The following ZWINT variants were observed in gnomAD, a reference collection of about 807,000 sequenced individuals.
ZWINT encodes the protein outer kinetochore KNL1 complex subunit ZWINT.
Under a neutral mutation model 41.5 loss-of-function variants are expected in ZWINT, and 41 were observed. The ratio of observed to expected loss-of-function variants is 0.99; its 90% confidence interval spans 0.77 to 1.28. ZWINT has a LOEUF of 1.28. ZWINT is among the 50% of genes most tolerant of loss of function. The pLI, the probability that ZWINT is intolerant of heterozygous loss-of-function variation, is 0.00. For synonymous variants in ZWINT, 132 were observed against 126.8 expected, an observed-to-expected ratio of 1.04 and a Z score of -0.28; for missense variants, 369 against 329.7, an observed-to-expected ratio of 1.12 and a Z score of -0.92.
At position 56,357,905 on chromosome 10, in the gene ZWINT, G is replaced by A. The variant is rs879404740; in HGVS notation, c.*322C>T. On this transcript the variant is annotated 3_prime_UTR_variant, in exon 9 of 9. Coordinates refer to ENST00000373944, the MANE Select transcript of ZWINT (RefSeq NM_007057.4). ...CTCCTCCTTGAATTAAATTCACCAT[G>A]TCTGCATCATAGGAGGCCCAAGGCC... is the stretch of plus-strand genomic sequence containing the variant. 2.7e-5 allele frequency: 10 copies of A among 368,684 alleles called. No individual in the cohort carries two copies. The highest frequency in any genetic ancestry group is 2.1e-4 in the African/African-American group (10 of 47,006). 22.8% of individuals were successfully genotyped at this position (368,684 alleles called of 1,614,324 possible).
In ZWINT at chr10:56,357,878, T is replaced by A; in HGVS notation, c.*349A>T. The A allele has an allele frequency of 2.8e-6, 1 of 356,656 alleles. No homozygotes were observed. Among genetic ancestry groups the A allele is most frequent in the Non-Finnish European group, 5.5e-6 (1 of 180,898 alleles). The allele number at this position is 356,656 out of a possible 1,614,324, so 22.1% of individuals were successfully genotyped here. On this transcript the variant is annotated 3_prime_UTR_variant, in exon 9 of 9. Transcript: ENST00000373944. ...ATATAACCACCTGCCTAAAACATTC[T>A]CCTCCTCCTTGAATTAAATTCACCA...
Position 56,358,183 on chromosome 10 carries a change from G to C in ZWINT, c.*44C>G, listed in dbSNP as rs1342197226. Reference sequence around the variant, plus strand: ...TGGTTGGGAGGTGAGGGAAGTCAGAGGCCTGGGGAAGAAGACAGGGGTTAG... The same window carrying C: ...TGGTTGGGAGGTGAGGGAAGTCAGACGCCTGGGGAAGAAGACAGGGGTTAG... On this transcript the variant is annotated splice_region_variant and 3_prime_UTR_variant, in exon 9 of 9. Transcript: ENST00000373944. The C allele has an allele frequency of 1.3e-6, 1 of 753,086 alleles. No homozygotes were observed. Among genetic ancestry groups the C allele is most frequent in the Non-Finnish European group, 2.5e-6 (1 of 402,052 alleles). The allele number at this position is 753,086 out of a possible 1,614,324, so 46.7% of individuals were successfully genotyped here.
At position 56,359,755 on chromosome 10, in the gene ZWINT, T is replaced by A; in HGVS notation, c.355A>T (p.Thr119Ser). Reference protein sequence around the residue: ...AIKIGLTKALTQMEEAQRKRT... With the variant: ...AIKIGLTKALSQMEEAQRKRT... ...TTCCTCTGGGCTTCCTCCATCTGAG[T>A]CAGGGCCTTGGTGAGGCCAATTTTG... The change falls in exon 4 of 9, where the codon ACT becomes TCT. Residue 119 changes from threonine to serine, a missense_variant. Physicochemically the swap from Thr to Ser is moderately conservative, Grantham distance 58. Coordinates refer to ENST00000373944, the MANE Select transcript of ZWINT (RefSeq NM_007057.4). The A allele has an allele frequency of 6.2e-7, 1 of 1,614,106 alleles. No homozygotes were observed. The highest frequency in any genetic ancestry group is 8.5e-7 in the Non-Finnish European group (1 of 1,180,014).
In ZWINT at chr10:56,360,315, T is replaced by C. The variant is rs757537178; in HGVS notation, c.110A>G (p.Lys37Arg). 15 of 1,614,192 alleles carry C rather than the reference T, an allele frequency of 9.3e-6. No homozygotes were observed. In the South Asian group the frequency reaches 1.3e-4, roughly 14 times the overall value. ...TACCACCACAAACTCAACCAGGATC[T>C]TGGCTGGCAGTTCTGCCTCCTCCTG... ...GLQEEAELPA[K>R]ILVEFVVDSQ... Residue 37 changes from lysine to arginine, a missense_variant, in exon 2 of 9, where the codon AAG becomes AGG. Coordinates refer to ENST00000373944, the MANE Select transcript of ZWINT (RefSeq NM_007057.4).
chr10:56,358,915 A>C lies in ZWINT; in HGVS notation c.513T>G (p.Ser171=). Residue 171 remains serine, a synonymous_variant, in exon 6 of 9, where the codon TCT becomes TCG. Transcript: ENST00000373944. ...EKHLQHLAEV[S]AEVRERKTGT... ...CTGTCTTACGCTCCCTCACCTCTGC[A>C]GAAACCTCCGCCAGATGCTGCAGAT... 1 of 1,614,150 alleles carries C rather than the reference A, an allele frequency of 6.2e-7. No individual in the cohort carries two copies. The highest frequency in any genetic ancestry group is 8.5e-7 in the Non-Finnish European group (1 of 1,180,024).
Position 56,360,367 on chromosome 10 carries a change from C to T in ZWINT, c.58G>A (p.Ala20Thr). ...AGGCCTACAGGTTCCAAGATGCCTGCCACCTCAGCCAGGACCCTGGAGGGG... is the reference window on the plus strand; with the variant it reads ...AGGCCTACAGGTTCCAAGATGCCTGTCACCTCAGCCAGGACCCTGGAGGGG... Reference protein sequence around the residue: ...AAALEVLAEVAGILEPVGLQE... With the variant: ...AAALEVLAEVTGILEPVGLQE... The change falls in exon 2 of 9, where the codon GCA becomes ACA. Residue 20 changes from alanine (A) to threonine (T), a missense_variant. Physicochemically the swap from Ala to Thr is moderately conservative, Grantham distance 58. Coordinates refer to ENST00000373944, the MANE Select transcript of ZWINT (RefSeq NM_007057.4). 3 of 1,614,146 alleles carry T rather than the reference C, an allele frequency of 1.9e-6. No individual in the cohort carries two copies. Among genetic ancestry groups the T allele is most frequent in the Non-Finnish European group, 2.5e-6 (3 of 1,180,022 alleles).
At position 56,358,648 on chromosome 10, in the gene ZWINT, T is replaced by C; in HGVS notation, c.700A>G (p.Asn234Asp). ...LFPEAEAEAE[N>D]LPDDKPQQPT... Reference sequence around the variant, plus strand: ...TGCTGGGGTTTATCATCTGGAAGATTCTCTGCCTCAGCCTCAGCCTCAGGG... The same window carrying C: ...TGCTGGGGTTTATCATCTGGAAGATCCTCTGCCTCAGCCTCAGCCTCAGGG... The change falls in exon 7 of 9, where the codon AAT (asparagine) becomes GAT (aspartate). Residue 234 changes from asparagine (N) to aspartate (D), a missense_variant. By Grantham distance (23) the Asn-to-Asp change is conservative (BLOSUM62 1). Transcript: ENST00000373944. 1 of 1,613,168 alleles carries C rather than the reference T, an allele frequency of 6.2e-7. No homozygotes were observed. Among genetic ancestry groups the C allele is most frequent in the Non-Finnish European group, 8.5e-7 (1 of 1,180,018 alleles).
chr10:56,360,251 A>T (rs768522400), intron 2 of ZWINT, 42 bp downstream of exon 2: 1 of 1,609,904 alleles, frequency 6.2e-7, no homozygotes, highest in Non-Finnish European at 8.5e-7. Flanking sequence ...AGCCAGGACC[A>T]GACCCTGGCT....
chr10:56,360,013 C>A lies in ZWINT; in HGVS notation c.256+5G>T. Reference sequence around the variant, plus strand: ...AGCTGCTACTACAATCCCCTGCCTACTCACGGCTCGTGTCTTCAGAAGCCA... The same window carrying A: ...AGCTGCTACTACAATCCCCTGCCTAATCACGGCTCGTGTCTTCAGAAGCCA... On this transcript the variant is annotated splice_donor_5th_base_variant and intron_variant, in intron 3 of 8. Transcript: ENST00000373944. 2 of 1,613,922 alleles carry A rather than the reference C, an allele frequency of 1.2e-6. No homozygotes were observed. Among genetic ancestry groups the A allele is most frequent in the South Asian group, 2.2e-5 (2 of 91,076 alleles).
chr10:56,358,914 C>T lies in ZWINT; in HGVS notation c.514G>A (p.Ala172Thr), dbSNP rs1838245940. The change falls in exon 6 of 9, where the codon GCA becomes ACA. Residue 172 changes from alanine (A) to threonine (T), a missense_variant. Ala to Thr is a moderately conservative substitution (Grantham distance 58). Transcript: ENST00000373944. ...CCTGTCTTACGCTCCCTCACCTCTG[C>T]AGAAACCTCCGCCAGATGCTGCAGA... The part of the protein sequence containing the change: ...KHLQHLAEVS[A>T]EVRERKTGTQ... 3 of 1,614,040 alleles carry T rather than the reference C, an allele frequency of 1.9e-6. No individual in the cohort carries two copies. The highest frequency in any genetic ancestry group is 2.5e-6 in the Non-Finnish European group (3 of 1,180,028).
In ZWINT at chr10:56,361,197, C is replaced by T; in HGVS notation, c.40G>A (p.Glu14Lys). The change falls in exon 1 of 9, where the codon GAG becomes AAG. Residue 14 changes from glutamate (E) to lysine (K), a missense_variant and splice_region_variant. Physicochemically the swap from Glu to Lys is moderately conservative, Grantham distance 56. Transcript: ENST00000373944. The part of the protein sequence containing the change: ...AETEAEAAAL[E>K]VLAEVAGILE... ...TGCCACTTAGCCGCAAACACTTACT[C>T]TAGGGCTGCAGCTTCCGCCTCTGTC... The T allele has an allele frequency of 6.2e-7, 1 of 1,613,402 alleles. No individual in the cohort carries two copies. Among genetic ancestry groups the T allele is most frequent in the Non-Finnish European group, 8.5e-7 (1 of 1,179,992 alleles).
Position 56,358,137 on chromosome 10 carries a change from TCA to T in ZWINT, c.*88_*89del, listed in dbSNP as rs760872611. 10 of 701,708 alleles carry T rather than the reference TCA, an allele frequency of 1.4e-5. No individual in the cohort carries two copies. The highest frequency in any genetic ancestry group is 2.2e-5 in the Non-Finnish European group (8 of 368,480). The allele number at this position is 701,708 out of a possible 1,614,324, so 43.5% of individuals were successfully genotyped here. A position where few individuals can be genotyped will look rare whatever the true frequency, so the allele number is the denominator to read the frequency against. On this transcript the variant is annotated 3_prime_UTR_variant, in exon 9 of 9. Transcript: ENST00000373944. ...CAGAAATCAAGCTGAACTCAGGAGT[TCA>T]CAGTCTTTCCTGTAATGATGGTTGG... is the stretch of plus-strand genomic sequence containing the variant.
rs1423675332 is a variant in ZWINT, at chr10:56,358,574, G to T, written c.774C>A (p.Asp258Glu). Residue 258 changes from aspartate to glutamate, a missense_variant, in exon 7 of 9, where the codon GAC becomes GAA. By Grantham distance (45) the Asp-to-Glu change is conservative (BLOSUM62 2). Coordinates refer to ENST00000373944, the MANE Select transcript of ZWINT (RefSeq NM_007057.4). ...EQSTGDTMGR[D>E]PGVSFKAVGL... ...CATTTACCTTGAAGGACACACCAGG[G>T]TCTCTCCCCATGGTGTCTCCTGTAC... The T allele has an allele frequency of 5.0e-6, 8 of 1,614,078 alleles. No homozygotes were observed. In the South Asian group the frequency reaches 8.8e-5, roughly 18 times the overall value.
Position 56,361,203 on chromosome 10 carries a change from C to A in ZWINT, c.34G>T (p.Ala12Ser). ...TTAGCCGCAAACACTTACTCTAGGG[C>A]TGCAGCTTCCGCCTCTGTCTCCGCT... ...EAAETEAEAAALEVLAEVAGI... is the reference protein window; with the variant it reads ...EAAETEAEAASLEVLAEVAGI... The change falls in exon 1 of 9, where the codon GCC becomes TCC. Residue 12 changes from alanine to serine, a missense_variant. Coordinates refer to ENST00000373944, the MANE Select transcript of ZWINT (RefSeq NM_007057.4). The A allele has an allele frequency of 6.2e-7, 1 of 1,613,266 alleles. No homozygotes were observed. The highest frequency in any genetic ancestry group is 1.1e-5 in the South Asian group (1 of 91,044).
Position 56,358,959 on chromosome 10 carries a change from G to A in ZWINT, c.481-12C>T, listed in dbSNP as rs766494047. ...TGCAGATGCTTCTCCTGCCAGGAGT[G>A]AGCATGCAGACATTATGCATCAGAT... On this transcript the variant is annotated splice_polypyrimidine_tract_variant and intron_variant, in intron 5 of 8. Transcript: ENST00000373944. 4 of 1,613,568 alleles carry A rather than the reference G, an allele frequency of 2.5e-6. No homozygotes were observed. Among genetic ancestry groups the A allele is most frequent in the Non-Finnish European group, 3.4e-6 (4 of 1,179,818 alleles).
Position 56,360,038 on chromosome 10 carries a change from A to C in ZWINT, c.236T>G (p.Leu79Trp). ...QEDTAKGLDP[L>W]ASEDTSRQKA... is the part of the protein sequence containing the mutation. ...CTCACGGCTCGTGTCTTCAGAAGCC[A>C]AGGGGTCGAGACCCTTAGCAGTGTC... Residue 79 changes from leucine to tryptophan, a missense_variant, in exon 3 of 9, where the codon TTG becomes TGG. Coordinates refer to ENST00000373944, the MANE Select transcript of ZWINT (RefSeq NM_007057.4). 6.2e-7 allele frequency: 1 copy of C among 1,614,102 alleles called. No homozygotes were observed. The highest frequency in any genetic ancestry group is 8.5e-7 in the Non-Finnish European group (1 of 1,180,020).
chr10:56,360,471 G>A, intron 1 of ZWINT, 88 bp from the exon 2 acceptor site: 1 of 1,034,500 alleles, frequency 9.7e-7, no homozygotes. Flanking sequence ...ATGTGGATGT[G>A]TATATCAGTA....
chr10:56,360,498 T>C (rs1838302276), intron 1 of ZWINT, 115 bp from the exon 2 acceptor site: 1 of 886,608 alleles, frequency 1.1e-6, no homozygotes, highest in Non-Finnish European at 1.7e-6. Context: ...GTATTGAGAG[T>C]CTTGCCTTGA....
chr10:56,359,566 G>A (rs1838268715), intron 4 of ZWINT, 34 bp from the exon 5 acceptor site: 4 of 1,563,378 alleles, frequency 2.6e-6, no homozygotes, highest in South Asian at 1.2e-5. Flanking sequence ...ACCAAGAGAA[G>A]TCTATTTTTT....
Sources: allele counts gnomAD v4.1 joint callset, GRCh38; gene constraint gnomAD v4.1.1; transcripts MANE v1.5; gene names NCBI Gene and HGNC (gene_info 2026-07-23, HGNC 2026-07-21).